ASAH2: variants seen among roughly 807,000 people sequenced by gnomAD.
The protein encoded by ASAH2 is N-acylsphingosine amidohydrolase 2.
ASAH2 carries 58 observed loss-of-function variants against 82.9 expected under a neutral mutation model. The observed-to-expected ratio is 0.70, with a 90% CI of 0.57 to 0.87. The LOEUF is 0.87. ASAH2 is among the 40% of genes least tolerant of loss of function. The probability of loss-of-function intolerance (pLI) is 0.00; values close to 1 mark genes in which losing one functional copy is unlikely to be tolerated. For synonymous variants in ASAH2, 276 were observed against 289.7 expected, an observed-to-expected ratio of 0.95 and a Z score of 0.48; for missense variants, 779 against 834.0, an observed-to-expected ratio of 0.93 and a Z score of 0.81.
At chr10:50,242,107 G>A (rs747613609) in intron 4 of ASAH2, among the ~76,000 whole-genome samples, 8 of 152,116 alleles carry the variant, frequency 5.3e-5, no homozygotes, top group Non-Finnish European at 1.0e-4. Flanking sequence ...TCTACCATTT[G>A]CTAACTGTGT....
At chr10:50,229,511 A>T (rs1845974162) in intron 7 of ASAH2, among the ~76,000 whole-genome samples, 1 of 152,148 alleles carries the variant, frequency 6.6e-6, no homozygotes, top group African/African-American at 2.4e-5. Flanking sequence ...TCATTCCTCA[A>T]GTCTACACTC....
chr10:50,218,990 G>A (rs1845678839), intron 7 of ASAH2, among the ~76,000 whole-genome samples: 4 of 152,114 alleles, frequency 2.6e-5, no homozygotes, highest in Admixed American at 6.6e-5. Flanking sequence ...TATCCAATCC[G>A]ACATTTACTA....
chr10:50,231,664 GA>G (rs1846025312), intron 7 of ASAH2, among the ~76,000 whole-genome samples: 1 of 152,110 alleles, frequency 6.6e-6, no homozygotes, highest in African/African-American at 2.4e-5. Flanking sequence ...ATGCTAAGGG[GA>G]AACTAATCAA....
chr10:50,240,104 A>G (rs1047348737), intron 4 of ASAH2, among the ~76,000 whole-genome samples: 1 of 152,170 alleles, frequency 6.6e-6, no homozygotes, highest in Non-Finnish European at 1.5e-5. Flanking sequence ...CTGGGATTAC[A>G]GACGTGAGCC....
rs752003480 is a variant in ASAH2 at position 50,214,852 on chromosome 10, G to T, written c.1031C>A (p.Ala344Asp). The T allele has an allele frequency of 5.6e-6, 9 of 1,613,508 alleles. No individual in the cohort carries two copies. Among genetic ancestry groups the T allele is most frequent in the Non-Finnish European group, 5.1e-6 (6 of 1,179,652 alleles). The change falls in exon 9 of 21, where the codon GCC becomes GAC. Residue 344 changes from alanine (A) to aspartate (D), a missense_variant. Ala to Asp is a moderately radical substitution (Grantham distance 126). Around this residue, in one of 3 missense-constraint regions of ASAH2, gnomAD observed 759 missense variants for 755.2 expected, o/e 1.00. Transcript: ENST00000682911. ...ATCTCCTAGGTTTGATGAAGCAAAG[G>T]CTGCTACAAATGGCCCCTGCCAAAA... is the stretch of plus-strand genomic sequence containing the variant. ...YLPGQGPFVA[A>D]FASSNLGDVS...
chr10:50,211,209 C>T (rs1589331388), intron 10 of ASAH2, 75 bp from the exon 11 acceptor site: 4 of 1,068,196 alleles, frequency 3.7e-6, no homozygotes, highest in Non-Finnish European at 5.8e-6. Flanking sequence ...CAGGAAGTAC[C>T]AATTTGATGC....
chr10:50,185,042 A>G lies in ASAH2; in HGVS notation c.*2273T>C, dbSNP rs1359149262. The G allele has an allele frequency of 1.3e-5, 2 of 151,442 alleles. No homozygotes were observed. The highest frequency in any genetic ancestry group is 3.0e-5 in the Non-Finnish European group (2 of 67,702). 9.4% of individuals were successfully genotyped at this position (151,442 alleles called of 1,614,324 possible). On this transcript the variant is annotated 3_prime_UTR_variant, in exon 21 of 21. Coordinates refer to ENST00000682911, the MANE Select transcript of ASAH2 (RefSeq NM_019893.4). ...GCAAATAAAATGCAGACATTTTAAC[A>G]TGAGAAACAAAATCTCCAAAATTGT...
At chr10:50,230,930 A>G (rs1454962489) in intron 7 of ASAH2, among the ~76,000 whole-genome samples, 4 of 151,846 alleles carry the variant, frequency 2.6e-5, no homozygotes, top group African/African-American at 9.7e-5. Flanking sequence ...AGTCCCAGTT[A>G]CTAAGGAGGC....
At chr10:50,211,647 T>C (rs971166867) in intron 10 of ASAH2, among the ~76,000 whole-genome samples, 2 of 152,332 alleles carry the variant, frequency 1.3e-5, no homozygotes, top group African/African-American at 2.4e-5. Context: ...TTTTGTGTTT[T>C]AATATGGTCA....
intron 13 of ASAH2, 83 bp downstream of exon 13, chr10:50,205,899 A>G (rs1845280265): frequency 4.6e-6 from 5 of 1,087,910 alleles, no homozygotes; most frequent in Non-Finnish European, 7.1e-6. Context: ...ATCTCAGTAG[A>G]TATCTACCAT....
intron 2 of ASAH2, among the ~76,000 whole-genome samples, chr10:50,247,271 C>T (rs1246587301): frequency 6.6e-6 from 1 of 151,934 alleles, no homozygotes; most frequent in East Asian, 1.9e-4. Context: ...TCCTGCCTTG[C>T]CTCAGCCTCC....
intron 12 of ASAH2, among the ~76,000 whole-genome samples, chr10:50,208,450 T>G (rs1174307789): frequency 6.6e-6 from 1 of 152,030 alleles, no homozygotes; most frequent in African/African-American, 2.4e-5. Flanking sequence ...ATAAATGAGT[T>G]CAGCAAGGTT....
chr10:50,197,584 ATAGATT>A (rs1479114210), intron 17 of ASAH2, among the ~76,000 whole-genome samples: 2 of 151,998 alleles, frequency 1.3e-5, no homozygotes, highest in Admixed American at 1.3e-4. Context: ...TCCTCACATT[ATAGATT>A]TAATCTTTAC....
chr10:50,247,323 A>T (rs931379578), intron 2 of ASAH2, among the ~76,000 whole-genome samples: 1 of 148,022 alleles, frequency 6.8e-6, no homozygotes, highest in Admixed American at 6.7e-5. Flanking sequence ...ACAAACAGCT[A>T]TTTTTTTTTT....
rs971743720 is a variant in ASAH2, at chr10:50,224,779, A to G, written c.894-6149T>C. On this transcript the variant is annotated intron_variant, in intron 7 of 20. Transcript: ENST00000682911. ...TTTTCACTCCCTCAAAATCATCCTC[A>G]CCCCAACCCACTGCAAACTGTTTGG... Among the ~76,000 whole-genome samples, 34 of 151,952 alleles carry G rather than the reference A, an allele frequency of 2.2e-4. 1 individual carries two copies. In the East Asian group the frequency reaches 6.0e-3, roughly 27 times the overall value.
Position 50,211,095 on chromosome 10 carries a change from G to C in ASAH2, c.1267C>G (p.Leu423Val), listed in dbSNP as rs1296530276. ...TCCACCCACTGGTGTGCTGAAGCCA[G>C]TGGTCCTGTTACCTCCTGGGAGGCA... ...ASASQEVTGP[L>V]ASAHQWVDMT... The change falls in exon 11 of 21, where the codon CTG (leucine) becomes GTG (valine). Residue 423 changes from leucine to valine, a missense_variant. Physicochemically the swap from Leu to Val is conservative, Grantham distance 32. This residue lies in a region of ASAH2 where 759 missense variants were observed against 755.2 expected (regional missense o/e 1.00). Coordinates refer to ENST00000682911, the MANE Select transcript of ASAH2 (RefSeq NM_019893.4). 1 of 1,613,656 alleles carries C rather than the reference G, an allele frequency of 6.2e-7. No homozygotes were observed. The highest frequency in any genetic ancestry group is 8.5e-7 in the Non-Finnish European group (1 of 1,179,762).
intron 18 of ASAH2, among the ~76,000 whole-genome samples, chr10:50,193,846 T>G (rs1397154293): frequency 6.6e-6 from 1 of 151,892 alleles, no homozygotes; most frequent in African/African-American, 2.4e-5. Context: ...GGGATTATCA[T>G]GAGCAACAAC....
intron 2 of ASAH2, among the ~76,000 whole-genome samples, chr10:50,245,997 A>G (rs1393878368): frequency 6.6e-6 from 1 of 152,112 alleles, no homozygotes; most frequent in Non-Finnish European, 1.5e-5. Context: ...TTTTAATGCA[A>G]CCTAGATCAC....
chr10:50,245,646 T>G (rs1014120353), intron 2 of ASAH2, among the ~76,000 whole-genome samples, 192 bp from the exon 3 acceptor site: 1 of 152,130 alleles, frequency 6.6e-6, no homozygotes, highest in Non-Finnish European at 1.5e-5. Context: ...ATGAGAAATA[T>G]TTCAGACTAA....
Sources: allele counts gnomAD v4.1 joint callset (sites outside exome capture counted in the v4.1 genomes callset), GRCh38; gene constraint gnomAD v4.1.1; regional missense constraint gnomAD v4.1.1; transcripts MANE v1.5; gene names NCBI Gene and HGNC (gene_info 2026-07-23, HGNC 2026-07-21).